Variants in BNC2 observed in about 807,000 individuals in gnomAD.
BNC2 encodes basonuclin zinc finger protein 2, also known as zinc finger protein basonuclin-2.
Under a neutral mutation model 76.3 loss-of-function variants are expected in BNC2, and 20 were observed. That is an observed-to-expected ratio of 0.26 (90% CI 0.18 to 0.38). BNC2 has a LOEUF of 0.38. Ranked by LOEUF, BNC2 falls within the 10% of genes least tolerant of loss-of-function variation. BNC2 has a pLI of 1.00. For missense variants in BNC2, 1,382 were observed against 1,399.8 expected, an observed-to-expected ratio of 0.99 and a Z score of 0.20; for synonymous variants, 582 against 514.8, an observed-to-expected ratio of 1.13 and a Z score of -1.77.
intron 3 of BNC2, among the ~76,000 whole-genome samples, chr9:16,623,983 G>A (rs1031600119): frequency 1.9e-4 from 29 of 152,086 alleles, no homozygotes; most frequent in Admixed American, 1.1e-3. Context: ...AGATCACTTC[G>A]TTCAATATTA....
intron 1 of BNC2, among the ~76,000 whole-genome samples, chr9:16,787,391 A>T (rs986664855): frequency 6.6e-6 from 1 of 152,218 alleles, no homozygotes; most frequent in African/African-American, 2.4e-5. Context: ...AAACAGCATG[A>T]TGTGCATGAA....
chr9:16,468,139 C>G (rs1275606507), intron 5 of BNC2, among the ~76,000 whole-genome samples: 2 of 149,562 alleles, frequency 1.3e-5, no homozygotes, highest in African/African-American at 4.9e-5. Flanking sequence ...CTCCTGGGCT[C>G]AAGTGATTTT....
chr9:16,761,077 T>C (rs1044820435), intron 1 of BNC2, among the ~76,000 whole-genome samples: 2 of 103,716 alleles, frequency 1.9e-5, no homozygotes, highest in African/African-American at 5.2e-5. Flanking sequence ...GCCCCGTCTC[T>C]ACAAAAAAAA....
intron 3 of BNC2, among the ~76,000 whole-genome samples, chr9:16,608,202 AT>A (rs1471402984): frequency 6.6e-6 from 1 of 152,078 alleles, no homozygotes; most frequent in Non-Finnish European, 1.5e-5. Context: ...TAAGTTATTT[AT>A]TTTCCCTGAG....
intron 1 of BNC2, among the ~76,000 whole-genome samples, chr9:16,748,605 G>C (rs1255580444): frequency 1.3e-5 from 2 of 152,018 alleles, no homozygotes; most frequent in Non-Finnish European, 1.5e-5. Context: ...CACTGTGGGA[G>C]GCCAAGGTGG....
At chr9:16,422,350 T>G (rs1266062352) in intron 6 of BNC2, among the ~76,000 whole-genome samples, 2 of 152,168 alleles carry the variant, frequency 1.3e-5, no homozygotes, top group Non-Finnish European at 2.9e-5. Context: ...TTTATTCAAT[T>G]AAGTGCCATC....
chr9:16,851,785 C>T (rs1335944542), intron 1 of BNC2, among the ~76,000 whole-genome samples: 6 of 152,080 alleles, frequency 3.9e-5, no homozygotes, highest in African/African-American at 1.4e-4. Flanking sequence ...ATCAAAAGCC[C>T]AGATCACGCC....
At chr9:16,582,012 G>A (rs767789907) in intron 4 of BNC2, among the ~76,000 whole-genome samples, 2 of 152,012 alleles carry the variant, frequency 1.3e-5, no homozygotes, top group African/African-American at 2.4e-5. Context: ...GCATTTCGAG[G>A]CATGGCCCAG....
chr9:16,837,335 C>A (rs1456667917), intron 1 of BNC2, among the ~76,000 whole-genome samples: 1 of 152,106 alleles, frequency 6.6e-6, no homozygotes, highest in African/African-American at 2.4e-5. Flanking sequence ...GAAATCCCGT[C>A]TCTACTAAAA....
Position 16,578,042 on chromosome 9 carries a change from T to A in BNC2, c.433+4941A>T, listed in dbSNP as rs199964047. 1.8e-3 allele frequency among the ~76,000 whole-genome samples: 257 copies of A among 142,562 alleles called. 1 individual carries two copies. Among genetic ancestry groups the A allele is most frequent in the African/African-American group, 5.2e-3 (211 of 40,468 alleles). 93.5% of individuals were successfully genotyped at this position (142,562 alleles called of 152,430 possible). A position where few individuals can be genotyped will look rare whatever the true frequency, so the allele number is the denominator to read the frequency against. On this transcript the variant is annotated intron_variant, in intron 4 of 6. Transcript: ENST00000380672. ...AGGAAACAGTGGAATTAAAAAAAAA[T>A]TTTTTTTTGTTTTTTTCCAAAAAAG...
chr9:16,654,133 C>T (rs556470299), intron 3 of BNC2, among the ~76,000 whole-genome samples: 31 of 152,246 alleles, frequency 2.0e-4, no homozygotes, highest in Non-Finnish European at 2.5e-4. Context: ...AAAAATAAAA[C>T]ATTCAGAGAG....
Position 16,793,997 on chromosome 9 carries a change from G to A in BNC2, c.4-55512C>T, listed in dbSNP as rs564240707. Among the ~76,000 whole-genome samples, 8 of 151,600 alleles carry A rather than the reference G, an allele frequency of 5.3e-5. No individual in the cohort carries two copies. In the South Asian group the frequency reaches 6.3e-4, roughly 12 times the overall value. On this transcript the variant is annotated intron_variant, in intron 1 of 6. Coordinates refer to ENST00000380672, the MANE Select transcript of BNC2 (RefSeq NM_017637.6). ...GATTACAGGCGTGAGCCACCGCGCCGGGCCTTGCCTTTCACATCTTGAAAC... is the reference window on the plus strand; with the variant it reads ...GATTACAGGCGTGAGCCACCGCGCCAGGCCTTGCCTTTCACATCTTGAAAC...
chr9:16,678,153 A>G (rs1358735355), intron 3 of BNC2, among the ~76,000 whole-genome samples: 4 of 151,964 alleles, frequency 2.6e-5, no homozygotes, highest in Admixed American at 2.6e-4. Flanking sequence ...GAAAGGCAGT[A>G]AGGTAAGGGA....
Position 16,552,542 on chromosome 9 carries a change from T to C in BNC2, c.657A>G (p.Gly219=). Residue 219 remains glycine (G), a synonymous_variant, in exon 5 of 7, where the codon GGA becomes GGG. Transcript: ENST00000380672. ...GTCCTCTCCCTACCTGAAGGATGTATCCTCGGACATAGTCCCGCAGAGTCC... is the reference window on the plus strand; with the variant it reads ...GTCCTCTCCCTACCTGAAGGATGTACCCTCGGACATAGTCCCGCAGAGTCC... ...LGWTLRDYVR[G]YILQDAAGKV... is the part of the protein sequence containing the mutation. 6.2e-7 allele frequency: 1 copy of C among 1,614,160 alleles called. No homozygotes were observed.
chr9:16,525,499 G>A (rs907023983), intron 5 of BNC2, among the ~76,000 whole-genome samples: 1 of 152,082 alleles, frequency 6.6e-6, no homozygotes, highest in Admixed American at 6.5e-5. Context: ...ATAAAAGGAT[G>A]GTAAACCTTA....
chr9:16,493,037 C>T (rs1394717241), intron 5 of BNC2, among the ~76,000 whole-genome samples: 2 of 152,130 alleles, frequency 1.3e-5, no homozygotes, highest in African/African-American at 4.8e-5. Flanking sequence ...AGACTTAGAG[C>T]TCCCCTGCTT....
At chr9:16,556,854 A>C (rs28414647) in intron 4 of BNC2, among the ~76,000 whole-genome samples, 30,151 of 151,852 alleles carry the variant, frequency 0.2, 5,451 homozygotes, top group African/African-American at 0.48. Flanking sequence ...TTTCTTGAAT[A>C]TATCAAAATT....
intron 6 of BNC2, among the ~76,000 whole-genome samples, chr9:16,422,792 G>C (rs1419731912): frequency 1.3e-5 from 2 of 152,196 alleles, no homozygotes; most frequent in Non-Finnish European, 2.9e-5. Context: ...CTCCAAAGAA[G>C]GGACAAAAGA....
rs144657315 is a variant in BNC2 at position 16,740,389 on chromosome 9, T to A, written c.4-1904A>T. 8.5e-5 allele frequency among the ~76,000 whole-genome samples: 13 copies of A among 152,354 alleles called. No homozygotes were observed. In the East Asian group the frequency reaches 2.5e-3, roughly 29 times the overall value. ...TTAAATGGTAACTCTAGTCTTCAGA[T>A]GTGTTTGTACATTATTAGTTCCTAA... On this transcript the variant is annotated intron_variant, in intron 1 of 6. Transcript: ENST00000380672.
Sources: gnomAD v4.1 joint callset for allele counts (sites outside exome capture counted in the v4.1 genomes callset) on GRCh38, gnomAD v4.1.1 for gene constraint, MANE v1.5 for transcripts, NCBI Gene and HGNC (gene_info 2026-07-23, HGNC 2026-07-21) for gene names.